BIVM: variants seen among roughly 807,000 people sequenced by gnomAD.
BIVM encodes basic immunoglobulin-like variable motif-containing protein.
BIVM carries 31 observed loss-of-function variants against 61.4 expected under a neutral mutation model. That is an observed-to-expected ratio of 0.51 (90% CI 0.38 to 0.68). BIVM has a LOEUF of 0.68. Among genes scored for constraint, BIVM ranks in the 30% least tolerant of loss-of-function variants. The probability of loss-of-function intolerance (pLI) is 0.00; values close to 1 mark genes in which losing one functional copy is unlikely to be tolerated. For synonymous variants in BIVM, 189 were observed against 210.7 expected, an observed-to-expected ratio of 0.90 and a Z score of 0.89; for missense variants, 526 against 596.0, an observed-to-expected ratio of 0.88 and a Z score of 1.22.
chr13:102,808,356 C>T (rs1879243951), intron 3 of BIVM, among the ~76,000 whole-genome samples: 1 of 152,100 alleles, frequency 6.6e-6, no homozygotes, highest in Non-Finnish European at 1.5e-5. Context: ...GAGGCAGGTA[C>T]TGTTAGCCCC....
intron 8 of BIVM, among the ~76,000 whole-genome samples, chr13:102,832,215 G>T (rs1881143380): frequency 6.6e-6 from 1 of 152,156 alleles, no homozygotes; most frequent in African/African-American, 2.4e-5. Context: ...CTTAGAGACA[G>T]GGTCTCACTC....
chr13:102,818,606 G>A lies in BIVM; in HGVS notation c.605+2052G>A, dbSNP rs780678073. 2.0e-5 allele frequency among the ~76,000 whole-genome samples: 3 copies of A among 152,200 alleles called. 1 individual carries two copies. The highest frequency in any genetic ancestry group is 4.4e-5 in the Non-Finnish European group (3 of 68,040). ...ACATATTAATAGTATAACATGTGAGGCCATGAAGGCTAGGACTAGGAAGGA... is the reference window on the plus strand; with the variant it reads ...ACATATTAATAGTATAACATGTGAGACCATGAAGGCTAGGACTAGGAAGGA... On this transcript the variant is annotated intron_variant, in intron 4 of 10. Coordinates refer to ENST00000257336, the MANE Select transcript of BIVM (RefSeq NM_017693.4).
chr13:102,827,667 C>T (rs1880766072), intron 7 of BIVM, among the ~76,000 whole-genome samples: 1 of 152,134 alleles, frequency 6.6e-6, no homozygotes, highest in African/African-American at 2.4e-5. Context: ...TTTTCACACC[C>T]ATCATTTTCC....
rs74550473 is a variant in BIVM, at chr13:102,827,829, C to T, written c.902-3736C>T. Reference sequence around the variant, plus strand: ...CCTATGAATTCTGATGGTATTCAGGCGGTAGGGTGGTTCATGTGTAAAGCA... The same window carrying T: ...CCTATGAATTCTGATGGTATTCAGGTGGTAGGGTGGTTCATGTGTAAAGCA... On this transcript the variant is annotated intron_variant, in intron 7 of 10. Coordinates refer to ENST00000257336, the MANE Select transcript of BIVM (RefSeq NM_017693.4). Among the ~76,000 whole-genome samples the T allele has an allele frequency of 6.5e-3, 988 of 152,168 alleles. 14 individuals carry two copies. Among genetic ancestry groups the T allele is most frequent in the African/African-American group, 0.021 (878 of 41,522 alleles).
chr13:102,807,843 T>C lies in BIVM; in HGVS notation c.478+98T>C. ...CATTACACATAGTTTCCTTGTATAA[T>C]ACTAGATAAGGAACATGGCTATCAT... is the stretch of plus-strand genomic sequence containing the variant. On this transcript the variant is annotated intron_variant, in intron 3 of 10. Transcript: ENST00000257336. The surrounding 1 kb of genome is among the most constrained non-coding windows in gnomAD (Gnocchi z 4.0). The C allele has an allele frequency of 7.8e-7, 1 of 1,282,406 alleles. No individual in the cohort carries two copies. The highest frequency in any genetic ancestry group is 1.1e-6 in the Non-Finnish European group (1 of 945,500). 79.4% of individuals were successfully genotyped at this position (1,282,406 alleles called of 1,614,324 possible).
At chr13:102,822,201 ATG>A (rs776116810) in intron 7 of BIVM, 42 bp downstream of exon 7, 1 of 1,557,788 alleles carries the variant, frequency 6.4e-7, no homozygotes, top group Non-Finnish European at 8.8e-7. Flanking sequence ...ACATACACAC[ATG>A]CACACACACA....
rs749890452 is a variant in BIVM at position 102,816,559 on chromosome 13, T to A, written c.605+5T>A. On this transcript the variant is annotated splice_donor_5th_base_variant and intron_variant, in intron 4 of 10. Transcript: ENST00000257336. ...AGTATTAGACCTCAGACGATGGTGA[T>A]GTTATCAGTTTTTATTTTTTTCATT... 17 of 1,516,294 alleles carry A rather than the reference T, an allele frequency of 1.1e-5. No homozygotes were observed. Among genetic ancestry groups the A allele is most frequent in the Non-Finnish European group, 1.4e-5 (16 of 1,139,648 alleles). 93.9% of individuals were successfully genotyped at this position (1,516,294 alleles called of 1,614,324 possible).
intron 3 of BIVM, among the ~76,000 whole-genome samples, chr13:102,815,489 G>A (rs1879802872): frequency 6.6e-6 from 1 of 151,614 alleles, no homozygotes; most frequent in African/African-American, 2.4e-5. Context: ...CTTCACTAAC[G>A]ATTTAGAAAT....
rs767171459 is a variant in BIVM, at chr13:102,821,126, C to T, written c.695C>T (p.Ala232Val). The change falls in exon 5 of 11, where the codon GCT becomes GTT. Residue 232 changes from alanine (A) to valine (V), a missense_variant. Coordinates refer to ENST00000257336, the MANE Select transcript of BIVM (RefSeq NM_017693.4). ...AATTTCTTATACAGCACAATGGGAG[C>T]TGGAAAGTAAGTATGTCAATTTATC... is the stretch of plus-strand genomic sequence containing the variant. The part of the protein sequence containing the change: ...CWNFLYSTMG[A>V]GNLPPITQEE... 5 of 1,610,218 alleles carry T rather than the reference C, an allele frequency of 3.1e-6. No homozygotes were observed. The East Asian group carries it at 1.1e-4, about 36-fold the overall frequency.
chr13:102,838,268 C>T (rs774053071), intron 9 of BIVM, among the ~76,000 whole-genome samples: 1 of 152,136 alleles, frequency 6.6e-6, no homozygotes, highest in Non-Finnish European at 1.5e-5. Context: ...GGATTTTCTG[C>T]ACAATTGTGT....
intron 10 of BIVM, 123 bp downstream of exon 10, chr13:102,838,862 T>G: frequency 1.1e-6 from 1 of 938,278 alleles, no homozygotes. Context: ...GAAAATTATT[T>G]TAAGGACACA....
chr13:102,807,189 C>A lies in BIVM; in HGVS notation c.-79C>A. 1 of 1,447,832 alleles carries A rather than the reference C, an allele frequency of 6.9e-7. No individual in the cohort carries two copies. The highest frequency in any genetic ancestry group is 9.2e-7 in the Non-Finnish European group (1 of 1,081,880). The allele number at this position is 1,447,832 out of a possible 1,614,324, so 89.7% of individuals were successfully genotyped here. On this transcript the variant is annotated 5_prime_UTR_variant, in exon 3 of 11. Transcript: ENST00000257336. This position sits in a 1 kb window ranked among gnomAD's most constrained non-coding sequence, Gnocchi z 4.0. The stretch of plus-strand genomic sequence containing the variant: ...TCAAGCTTTTATAGCATGCTGTAAA[C>A]AATTGTCAAAGTTGTTTATCAAGAA...
chr13:102,806,890 A>T (rs953875316), intron 2 of BIVM, among the ~76,000 whole-genome samples: 1 of 151,922 alleles, frequency 6.6e-6, no homozygotes, highest in Non-Finnish European at 1.5e-5. Context: ...AGCCTGGGCA[A>T]CAAGAGTGAA....
chr13:102,801,245 ATT>A (rs34160315), intron 1 of BIVM, among the ~76,000 whole-genome samples: 31,155 of 142,022 alleles, frequency 0.22, 3,736 homozygotes, highest in East Asian at 0.38. Context: ...TTAGTAGTAA[ATT>A]TTTTTTTTTT....
chr13:102,821,052 A>G lies in BIVM; in HGVS notation c.621A>G (p.Arg207=). The G allele has an allele frequency of 6.2e-7, 1 of 1,613,066 alleles. No individual in the cohort carries two copies. The highest frequency in any genetic ancestry group is 8.5e-7 in the Non-Finnish European group (1 of 1,179,794). The change falls in exon 5 of 11, where the codon CGA becomes CGG. Residue 207 remains arginine, a synonymous_variant. Coordinates refer to ENST00000257336, the MANE Select transcript of BIVM (RefSeq NM_017693.4). ...GTGTTCTCAGGTACTGCATAAGCCG[A>G]CCACAGTATAAGACTTCTTGTGGCA... is the stretch of plus-strand genomic sequence containing the variant. The part of the protein sequence containing the change: ...LDLRRWYCIS[R]PQYKTSCGIS...
At position 102,835,093 on chromosome 13, in the gene BIVM, C is replaced by T. The variant is rs560456464; in HGVS notation, c.1121+541C>T. On this transcript the variant is annotated intron_variant, in intron 9 of 10. Transcript: ENST00000257336. ...AATTCACATACCATAAAGTTCACTG[C>T]ACCCACCATGCGCGGTGGCTCATGC... is the stretch of plus-strand genomic sequence containing the variant. 3.9e-5 allele frequency among the ~76,000 whole-genome samples: 6 copies of T among 152,098 alleles called. No individual in the cohort carries two copies. In the East Asian group the frequency reaches 5.8e-4, roughly 15 times the overall value.
intron 9 of BIVM, among the ~76,000 whole-genome samples, chr13:102,835,143 C>T (rs1881374233): frequency 6.6e-6 from 1 of 152,048 alleles, no homozygotes; most frequent in Admixed American, 6.6e-5. Context: ...CTTTGGGAGG[C>T]TGAGGTGGGA....
rs532303115 is a variant in BIVM, at chr13:102,833,327, G to GT, written c.1035-1121dup. 5.7e-3 allele frequency among the ~76,000 whole-genome samples: 457 copies of GT among 79,606 alleles called. 59 individuals carry two copies. The highest frequency in any genetic ancestry group is 0.01 in the African/African-American group (268 of 26,098). 52.2% of individuals were successfully genotyped at this position (79,606 alleles called of 152,430 possible). A position where few individuals can be genotyped will look rare whatever the true frequency, so the allele number is the denominator to read the frequency against. The stretch of plus-strand genomic sequence containing the variant: ...TGGCTTGGTCATGGGGATAGGATGG[G>GT]TTTTTTTTTTTTTTTTTTGAGACAA... On this transcript the variant is annotated intron_variant, in intron 8 of 10. Transcript: ENST00000257336.
At chr13:102,821,697 A>C (rs776903128) in intron 5 of BIVM, 46 bp from the exon 6 acceptor site, 1 of 1,570,020 alleles carries the variant, frequency 6.4e-7, no homozygotes, top group Admixed American at 1.8e-5. Flanking sequence ...GTATTTGCGT[A>C]TGACTGGAAT....
Sources: allele counts gnomAD v4.1 joint callset (sites outside exome capture counted in the v4.1 genomes callset), GRCh38; gene constraint gnomAD v4.1.1; non-coding constraint Gnocchi (gnomAD v3.1); transcripts MANE v1.5; gene names NCBI Gene and HGNC (gene_info 2026-07-23, HGNC 2026-07-21).